Variants in FCHSD2 observed in about 807,000 individuals in gnomAD.
The protein encoded by FCHSD2 is FCH and double SH3 domains 2.
FCHSD2 carries 38 observed loss-of-function variants against 108.1 expected under a neutral mutation model. That is an observed-to-expected ratio of 0.35 (90% CI 0.27 to 0.46). The LOEUF is 0.46. FCHSD2 is among the 20% of genes least tolerant of loss of function. The pLI is 1.00. For missense variants in FCHSD2, 751 were observed against 897.8 expected (o/e 0.84, Z 2.09); for synonymous variants, 279 against 314.7 (o/e 0.89, Z 1.20).
intron 19 of FCHSD2, among the ~76,000 whole-genome samples, chr11:72,839,542 A>G (rs1159606554): frequency 6.6e-6 from 1 of 152,236 alleles, no homozygotes; most frequent in East Asian, 1.9e-4. Flanking sequence ...AAGTGGAAAG[A>G]TTTGCGAGCT....
At chr11:72,850,363 C>A (rs1861252819) in intron 13 of FCHSD2, among the ~76,000 whole-genome samples, 1 of 151,878 alleles carries the variant, frequency 6.6e-6, no homozygotes. Flanking sequence ...CTGCACCAGG[C>A]CTAGGACAGA....
chr11:73,011,998 C>T (rs1857874039), intron 4 of FCHSD2, among the ~76,000 whole-genome samples: 1 of 152,124 alleles, frequency 6.6e-6, no homozygotes, highest in Non-Finnish European at 1.5e-5. Flanking sequence ...AATATATAAA[C>T]CCTTTGATCC....
intron 3 of FCHSD2, among the ~76,000 whole-genome samples, chr11:73,055,174 A>G (rs914483462): frequency 2.0e-5 from 3 of 151,992 alleles, no homozygotes; most frequent in African/African-American, 7.3e-5. Context: ...ACAGGGGGAA[A>G]ACCACCCCCA....
intron 2 of FCHSD2, among the ~76,000 whole-genome samples, chr11:73,133,170 G>C (rs1861044036): frequency 6.6e-6 from 1 of 152,164 alleles, no homozygotes; most frequent in Non-Finnish European, 1.5e-5. Flanking sequence ...ATTGCTGGTG[G>C]GAATATAAAA....
intron 10 of FCHSD2, among the ~76,000 whole-genome samples, chr11:72,900,009 G>C: frequency 6.6e-6 from 1 of 152,114 alleles, no homozygotes; most frequent in Non-Finnish European, 1.5e-5. Context: ...TTAGCTCTAA[G>C]GTTCTCTCCA....
intron 8 of FCHSD2, among the ~76,000 whole-genome samples, chr11:72,955,884 T>G (rs1000560601): frequency 2.0e-5 from 3 of 152,222 alleles, no homozygotes; most frequent in Admixed American, 6.5e-5. Context: ...AGTGCATACA[T>G]ACATATATTT....
intron 4 of FCHSD2, among the ~76,000 whole-genome samples, chr11:73,005,410 C>T (rs1857718282): frequency 6.6e-6 from 1 of 152,188 alleles, no homozygotes; most frequent in Admixed American, 6.5e-5. Context: ...GACCTATCAG[C>T]AACACTGACC....
chr11:73,000,930 G>A, intron 5 of FCHSD2, 60 bp downstream of exon 5: 7 of 1,426,862 alleles, frequency 4.9e-6, no homozygotes, highest in Non-Finnish European at 6.7e-6. Context: ...TAACCTTGCA[G>A]ATTATAAATG....
At chr11:72,911,262 T>C (rs924764578) in intron 9 of FCHSD2, among the ~76,000 whole-genome samples, 13 of 152,242 alleles carry the variant, frequency 8.5e-5, no homozygotes, top group South Asian at 2.1e-4. Flanking sequence ...CTCCAATGTA[T>C]GTTCTTGACA....
At position 73,096,377 on chromosome 11, in the gene FCHSD2, C is replaced by CA. The variant is rs767268719; in HGVS notation, c.120-12638dup. Among the ~76,000 whole-genome samples the CA allele has an allele frequency of 4.3e-3, 292 of 68,248 alleles. 1 individual carries two copies. The highest frequency in any genetic ancestry group is 7.1e-3 in the Middle Eastern group (1 of 140). The allele number at this position is 68,248 out of a possible 152,430, so 44.8% of individuals were successfully genotyped here. A position where few individuals can be genotyped will look rare whatever the true frequency, so the allele number is the denominator to read the frequency against. On this transcript the variant is annotated intron_variant, in intron 2 of 19. Transcript: ENST00000409418. ...CCAACATGTTGAAACCCTGCCTCTACAAAAAAAAAAAAAAAAAAAAAAAAT... is the reference window on the plus strand; with the variant it reads ...CCAACATGTTGAAACCCTGCCTCTACAAAAAAAAAAAAAAAAAAAAAAAAAT...
At chr11:73,140,402 G>A (rs567683460) in intron 1 of FCHSD2, among the ~76,000 whole-genome samples, 11 of 152,110 alleles carry the variant, frequency 7.2e-5, no homozygotes, top group Non-Finnish European at 1.3e-4. Flanking sequence ...TCCATTTCAT[G>A]CACAAGCTCA....
chr11:72,898,726 CTA>C (rs1429207549), intron 10 of FCHSD2, among the ~76,000 whole-genome samples: 1 of 93,298 alleles, frequency 1.1e-5, no homozygotes, highest in East Asian at 3.2e-4. Flanking sequence ...GCTTTTCTTT[CTA>C]TTTTTTTTTT....
At chr11:72,989,213 G>T in intron 5 of FCHSD2, 116 bp from the exon 6 acceptor site, 1 of 697,122 alleles carries the variant, frequency 1.4e-6, no homozygotes, top group Non-Finnish European at 2.3e-6. Context: ...GGAAAAGTCA[G>T]TACGTTCAGT....
Position 72,971,294 on chromosome 11 carries a change from A to G in FCHSD2, c.705+12794T>C, listed in dbSNP as rs144183464. Among the ~76,000 whole-genome samples, 6 of 152,342 alleles carry G rather than the reference A, an allele frequency of 3.9e-5. No individual in the cohort carries two copies. In the East Asian group the frequency reaches 7.7e-4, roughly 20 times the overall value. On this transcript the variant is annotated intron_variant, in intron 8 of 19. Transcript: ENST00000409418. Reference sequence around the variant, plus strand: ...TGAAATGCTTAGGAATAAATTTAACAAAATACGTGAAGACTGCTGAAGTAG... The same window carrying G: ...TGAAATGCTTAGGAATAAATTTAACGAAATACGTGAAGACTGCTGAAGTAG...
At chr11:72,913,040 G>A (rs1855794780) in intron 9 of FCHSD2, among the ~76,000 whole-genome samples, 1 of 152,168 alleles carries the variant, frequency 6.6e-6, no homozygotes, top group Non-Finnish European at 1.5e-5. Flanking sequence ...CGTGGCAGGA[G>A]CAGGAGGAAA....
At chr11:73,071,533 TAC>T (rs1273908027) in intron 3 of FCHSD2, among the ~76,000 whole-genome samples, 6 of 118,682 alleles carry the variant, frequency 5.1e-5, no homozygotes, top group Non-Finnish European at 1.1e-4. Flanking sequence ...CTACTAAAAA[TAC>T]AAAAAAAAAA....
chr11:72,962,417 C>G, intron 8 of FCHSD2, among the ~76,000 whole-genome samples: 1 of 152,240 alleles, frequency 6.6e-6, no homozygotes, highest in Admixed American at 6.5e-5. Context: ...TCTTTGATTC[C>G]TCAATAATTT....
At chr11:72,885,509 CTG>C (rs1196188747) in intron 12 of FCHSD2, among the ~76,000 whole-genome samples, 1 of 152,110 alleles carries the variant, frequency 6.6e-6, no homozygotes, top group Non-Finnish European at 1.5e-5. Context: ...AATGAAGACT[CTG>C]TGTGCCTGAT....
At chr11:72,878,775 G>C (rs1193199315) in intron 12 of FCHSD2, among the ~76,000 whole-genome samples, 2 of 152,162 alleles carry the variant, frequency 1.3e-5, no homozygotes, top group Non-Finnish European at 2.9e-5. Flanking sequence ...ATCTACAGTA[G>C]AGCTATGAAC....
Sources: allele counts gnomAD v4.1 joint callset (sites outside exome capture counted in the v4.1 genomes callset), GRCh38; gene constraint gnomAD v4.1.1; transcripts MANE v1.5; gene names NCBI Gene and HGNC (gene_info 2026-07-23, HGNC 2026-07-21).